The following EML4 variants were observed in gnomAD, a reference collection of about 807,000 sequenced individuals.
EML4 encodes the protein echinoderm microtubule-associated protein-like 4.
In EML4, 72 loss-of-function variants were observed where a neutral mutation model predicts 129.0. The ratio of observed to expected loss-of-function variants is 0.56; its 90% CI spans 0.46 to 0.68. EML4 has a LOEUF of 0.68. Among genes scored for constraint, EML4 ranks in the 30% least tolerant of loss-of-function variants. The probability of loss-of-function intolerance (pLI) is 0.00; values close to 1 mark genes in which losing one functional copy is unlikely to be tolerated. For missense variants in EML4, 1,363 were observed against 1,190.6 expected (o/e 1.14, Z -2.13); for synonymous variants, 532 against 405.0 (o/e 1.31, Z -3.77).
rs993265800 is a variant in EML4 at position 42,301,703 on chromosome 2, G to GT, written c.1641+320dup. On this transcript the variant is annotated intron_variant, in intron 14 of 22. Coordinates refer to ENST00000318522, the MANE Select transcript of EML4 (RefSeq NM_019063.5). ...TTTATATTTTGGATTTATGCTTAGT[G>GT]TTTTTTTTTCTACGTGTAGCATTCT... 4.8e-4 allele frequency among the ~76,000 whole-genome samples: 73 copies of GT among 150,682 alleles called. 1 individual carries two copies. Among genetic ancestry groups the GT allele is most frequent in the South Asian group, 3.2e-3 (15 of 4,760 alleles).
At chr2:42,263,075 C>A in intron 4 of EML4, 103 bp from the exon 5 acceptor site, 3 of 973,608 alleles carry the variant, frequency 3.1e-6, no homozygotes, top group Non-Finnish European at 4.6e-6. Flanking sequence ...TCTGGATTAG[C>A]TTTAAGGAAA....
Position 42,303,327 on chromosome 2 carries a change from G to A in EML4, c.1780G>A (p.Glu594Lys). Residue 594 changes from glutamate (E) to lysine (K), a missense_variant, in exon 16 of 23, where the codon GAG (glutamate) becomes AAG (lysine). Physicochemically the swap from Glu to Lys is moderately conservative, Grantham distance 56 (BLOSUM62 1). Transcript: ENST00000318522. ...FQIEVQGHTD[E>K]LWGLATHPFK... Reference sequence around the variant, plus strand: ...CTTTCATTTTCAGGGTCATACAGATGAGCTTTGGGGTCTTGCCACACATCC... The same window carrying A: ...CTTTCATTTTCAGGGTCATACAGATAAGCTTTGGGGTCTTGCCACACATCC... The A allele has an allele frequency of 6.2e-7, 1 of 1,614,112 alleles. No homozygotes were observed. The highest frequency in any genetic ancestry group is 8.5e-7 in the Non-Finnish European group (1 of 1,180,008).
At chr2:42,174,387 T>A (rs1181996234) in intron 1 of EML4, among the ~76,000 whole-genome samples, 5 of 152,014 alleles carry the variant, frequency 3.3e-5, no homozygotes, top group Non-Finnish European at 5.9e-5. Context: ...GCCTCCTGGG[T>A]TCAAGCGATT....
intron 4 of EML4, among the ~76,000 whole-genome samples, chr2:42,262,187 T>G (rs1168591540): frequency 6.6e-6 from 1 of 152,154 alleles, no homozygotes; most frequent in African/African-American, 2.4e-5. Flanking sequence ...TTTGATCAAT[T>G]TAATATTTTG....
At chr2:42,285,988 T>G (rs1441277420) in intron 9 of EML4, 5 of 412,062 alleles carry the variant, frequency 1.2e-5, no homozygotes, top group Non-Finnish European at 2.2e-5. Context: ...ATAATTATAA[T>G]AGTGTACCTG....
At chr2:42,266,190 A>G (rs1666055080) in intron 6 of EML4, among the ~76,000 whole-genome samples, 1 of 152,182 alleles carries the variant, frequency 6.6e-6, no homozygotes, top group South Asian at 2.1e-4. Context: ...ATTTGTTTTT[A>G]CATAGACATT....
chr2:42,280,312 G>C (rs1253236538), intron 6 of EML4, among the ~76,000 whole-genome samples: 2 of 152,062 alleles, frequency 1.3e-5, no homozygotes, highest in African/African-American at 4.8e-5. Context: ...CTCAGTTAAG[G>C]AAATGGCCAT....
chr2:42,212,160 G>A (rs773128895), intron 1 of EML4, among the ~76,000 whole-genome samples: 18 of 152,002 alleles, frequency 1.2e-4, no homozygotes, highest in Non-Finnish European at 2.2e-4. Flanking sequence ...CTTTCAAATT[G>A]TATGTAAATA....
In EML4 at chr2:42,330,603, G is replaced by T. The variant is rs758269630; in HGVS notation, c.*396G>T. On this transcript the variant is annotated 3_prime_UTR_variant, in exon 23 of 23. Transcript: ENST00000318522. The stretch of plus-strand genomic sequence containing the variant: ...TCACAAACACTGTTACTCATCTACT[G>T]GCTCAGACTGTACTACTTTTTTTTT... 1 of 344,794 alleles carries T rather than the reference G, an allele frequency of 2.9e-6. No homozygotes were observed. Among genetic ancestry groups the T allele is most frequent in the Non-Finnish European group, 5.5e-6 (1 of 182,942 alleles). 21.4% of individuals were successfully genotyped at this position (344,794 alleles called of 1,614,324 possible). A position where few individuals can be genotyped will look rare whatever the true frequency, so the allele number is the denominator to read the frequency against.
At chr2:42,326,085 T>C (rs376268194) in intron 20 of EML4, 69 bp from the exon 21 acceptor site, 2 of 1,580,636 alleles carry the variant, frequency 1.3e-6, no homozygotes, top group Middle Eastern at 1.7e-4. Flanking sequence ...CTAGTTTGAA[T>C]CAAGATGCAC....
At chr2:42,209,490 C>G (rs1417240349) in intron 1 of EML4, among the ~76,000 whole-genome samples, 2 of 152,128 alleles carry the variant, frequency 1.3e-5, no homozygotes, top group African/African-American at 4.8e-5. Context: ...GGTGGTGAAA[C>G]TTTGATCGGA....
At position 42,296,477 on chromosome 2, in the gene EML4, TTCTCTC is replaced by T. The variant is rs10689031; in HGVS notation, c.1489+977_1489+982del. 4.8e-4 allele frequency among the ~76,000 whole-genome samples: 72 copies of T among 149,016 alleles called. 1 individual carries two copies. The South Asian group carries it at 0.014, about 29-fold the overall frequency. On this transcript the variant is annotated intron_variant, in intron 13 of 22. Transcript: ENST00000318522. The stretch of plus-strand genomic sequence containing the variant: ...AACACACTGGAACAACACCTTATAC[TTCTCTC>T]TCTCTCTCTCTCTCTGGAGTCCTTG...
intron 11 of EML4, among the ~76,000 whole-genome samples, chr2:42,293,704 C>A (rs987253362): frequency 3.3e-5 from 5 of 152,128 alleles, no homozygotes; most frequent in African/African-American, 1.2e-4. Flanking sequence ...CTCTGCCTCC[C>A]GGGTTCAAGC....
intron 19 of EML4, among the ~76,000 whole-genome samples, chr2:42,323,947 T>G (rs1416260327): frequency 7.6e-6 from 1 of 131,354 alleles, no homozygotes; most frequent in Non-Finnish European, 1.6e-5. Context: ...CTGTCTCAAT[T>G]AAAAAAAAAA....
At chr2:42,207,144 AT>A (rs1197868692) in intron 1 of EML4, among the ~76,000 whole-genome samples, 2 of 152,204 alleles carry the variant, frequency 1.3e-5, no homozygotes, top group Non-Finnish European at 2.9e-5. Context: ...TCTAAAAGTT[AT>A]TTTTAAGTTG....
In EML4 at chr2:42,169,565, G is replaced by T; in HGVS notation, c.-47G>T. ...CGGCCACTCTGTCGGTCCGCTGAAT[G>T]AAGTGCCCGCCCCTCTAAGCCCGGA... On this transcript the variant is annotated 5_prime_UTR_variant, in exon 1 of 23. An upstream start codon of the reference 5' UTR is lost. Transcript: ENST00000318522. 1.9e-6 allele frequency: 3 copies of T among 1,587,352 alleles called. No homozygotes were observed. The highest frequency in any genetic ancestry group is 1.1e-5 in the South Asian group (1 of 89,552).
intron 1 of EML4, among the ~76,000 whole-genome samples, chr2:42,177,375 G>C (rs566116812): frequency 5.9e-5 from 9 of 151,918 alleles, no homozygotes; most frequent in Non-Finnish European, 1.2e-4. Flanking sequence ...AATCCCAACA[G>C]TTTGGGAGGC....
At chr2:42,264,210 G>A (rs1665925239) in intron 5 of EML4, among the ~76,000 whole-genome samples, 1 of 147,510 alleles carries the variant, frequency 6.8e-6, no homozygotes, top group South Asian at 2.1e-4. Context: ...ACCTTCCTGG[G>A]CTCAGGTGAT....
At chr2:42,324,461 C>A (rs1279870593) in intron 19 of EML4, among the ~76,000 whole-genome samples, 1 of 152,040 alleles carries the variant, frequency 6.6e-6, no homozygotes, top group South Asian at 2.1e-4. Flanking sequence ...GCAGAAAATA[C>A]AAAAATTAGC....
Sources: allele counts gnomAD v4.1 joint callset (sites outside exome capture counted in the v4.1 genomes callset), GRCh38; gene constraint gnomAD v4.1.1; transcripts MANE v1.5; gene names NCBI Gene and HGNC (gene_info 2026-07-23, HGNC 2026-07-21).